The following ATAD2B variants were observed in gnomAD, a reference collection of about 807,000 sequenced individuals.
ATAD2B encodes ATPase family AAA domain-containing protein 2B.
Under a neutral mutation model 167.6 loss-of-function variants are expected in ATAD2B, and 40 were observed. The ratio of observed to expected loss-of-function variants is 0.24; its 90% CI spans 0.19 to 0.31. The LOEUF (loss-of-function observed/expected upper bound fraction) is 0.31. Ranked by LOEUF, ATAD2B falls within the 10% of genes least tolerant of loss-of-function variation. ATAD2B has a pLI of 1.00. For synonymous variants in ATAD2B, 579 were observed against 596.5 expected (o/e 0.97, Z 0.43); for missense variants, 1,242 against 1,757.2 (o/e 0.71, Z 5.24).
intron 1 of ATAD2B, among the ~76,000 whole-genome samples, chr2:23,924,172 A>T (rs2150726312): frequency 6.6e-6 from 1 of 152,158 alleles, no homozygotes; most frequent in Middle Eastern, 3.4e-3. Flanking sequence ...CTACAGCGAG[A>T]CTCCGTCTCA....
chr2:23,784,434 A>G (rs1042585344), intron 21 of ATAD2B, among the ~76,000 whole-genome samples: 2 of 152,128 alleles, frequency 1.3e-5, no homozygotes, highest in African/African-American at 4.8e-5. Flanking sequence ...AAGAAGAAAG[A>G]TAAAGGAGAA....
At chr2:23,736,995 A>T in the ATAD2B span, among the ~76,000 whole-genome samples, 1 of 152,110 alleles carries the variant, frequency 6.6e-6, no homozygotes, top group Non-Finnish European at 1.5e-5. Flanking sequence ...AGGCTGGGGG[A>T]GGGGCGCCTG....
rs1244569181 is a variant in ATAD2B, at chr2:23,885,745, C to T, written c.657G>A (p.Met219Ile). The T allele has an allele frequency of 9.4e-6, 15 of 1,591,176 alleles. No homozygotes were observed. The highest frequency in any genetic ancestry group is 1.2e-5 in the Non-Finnish European group (14 of 1,165,554). The change falls in exon 5 of 28, where the codon ATG becomes ATA. Residue 219 changes from methionine to isoleucine, a missense_variant. Physicochemically the swap from Met to Ile is conservative, Grantham distance 10 (BLOSUM62 1). Coordinates refer to ENST00000238789, the MANE Select transcript of ATAD2B (RefSeq NM_017552.4). ...TACTCACAAATTCTGTATCTGTCCA[C>T]ATTCGAAGTCGTTCTACTTCTCCTG... is the stretch of plus-strand genomic sequence containing the variant. The part of the protein sequence containing the change: ...RRSGEVERLR[M>I]WTDTEFENMD...
chr2:23,918,746 T>C (rs914891457), intron 1 of ATAD2B, among the ~76,000 whole-genome samples: 1 of 152,292 alleles, frequency 6.6e-6, no homozygotes, highest in Admixed American at 6.5e-5. Flanking sequence ...AACTACTGAT[T>C]GAACAACATC....
chr2:23,828,815 A>G (rs1301202797), intron 15 of ATAD2B, 34 bp downstream of exon 15: 4 of 1,383,650 alleles, frequency 2.9e-6, no homozygotes, highest in Non-Finnish European at 4.1e-6. Flanking sequence ...AGAACAAACA[A>G]TGACAATCAA....
chr2:23,873,731 T>C (rs1696358709), intron 8 of ATAD2B, among the ~76,000 whole-genome samples: 1 of 152,242 alleles, frequency 6.6e-6, no homozygotes, highest in African/African-American at 2.4e-5. Flanking sequence ...TACTTGCTAA[T>C]GTTTCTTCTC....
In ATAD2B at chr2:23,782,960, T is replaced by C; in HGVS notation, c.3042A>G (p.Lys1014=). The C allele has an allele frequency of 6.3e-7, 1 of 1,598,268 alleles. No individual in the cohort carries two copies. The highest frequency in any genetic ancestry group is 8.6e-7 in the Non-Finnish European group (1 of 1,166,246). ...AATCCTTTGCAGTCAGGTAATTATG[T>C]TTATCAATTTTAGTTATTACTGTTG... The part of the protein sequence containing the change: ...DLSTVITKID[K]HNYLTAKDFL... Residue 1014 remains lysine, a synonymous_variant, in exon 22 of 28, where the codon AAA becomes AAG. Coordinates refer to ENST00000238789, the MANE Select transcript of ATAD2B (RefSeq NM_017552.4).
At chr2:23,720,786 G>A in the ATAD2B span, among the ~76,000 whole-genome samples, 2 of 152,088 alleles carry the variant, frequency 1.3e-5, no homozygotes, top group Non-Finnish European at 2.9e-5. Flanking sequence ...CCAGTTTGGA[G>A]AGCTGCCTGG....
At chr2:23,727,886 T>C in the ATAD2B span, among the ~76,000 whole-genome samples, 3 of 152,164 alleles carry the variant, frequency 2.0e-5, no homozygotes, top group Non-Finnish European at 4.4e-5. Context: ...GTAAAAATAT[T>C]AGTGGCTGTC....
At chr2:23,805,261 A>G (rs1684185740) in intron 18 of ATAD2B, among the ~76,000 whole-genome samples, 2 of 152,312 alleles carry the variant, frequency 1.3e-5, no homozygotes. Flanking sequence ...TCTAAACAGT[A>G]TAGCATAAAC....
chr2:23,858,708 C>G (rs1418357675), intron 12 of ATAD2B, among the ~76,000 whole-genome samples: 3 of 151,968 alleles, frequency 2.0e-5, no homozygotes, highest in African/African-American at 7.2e-5. Context: ...GTCTCAAACT[C>G]TTGGGCTCAA....
chr2:23,921,137 C>T (rs1416386888), intron 1 of ATAD2B, among the ~76,000 whole-genome samples: 1 of 121,352 alleles, frequency 8.2e-6, no homozygotes, highest in African/African-American at 3.1e-5. Flanking sequence ...ACCTGGGAAG[C>T]GGAGGTTGCA....
intron 22 of ATAD2B, among the ~76,000 whole-genome samples, chr2:23,778,283 A>G (rs1400153510): frequency 6.6e-6 from 1 of 152,190 alleles, no homozygotes; most frequent in Non-Finnish European, 1.5e-5. Flanking sequence ...GTAAAATATT[A>G]TTATGCACCA....
At chr2:23,843,473 A>G (rs1233699091) in intron 13 of ATAD2B, among the ~76,000 whole-genome samples, 1 of 152,262 alleles carries the variant, frequency 6.6e-6, no homozygotes, top group Admixed American at 6.5e-5. Flanking sequence ...ATGTGGGAAC[A>G]ACAATCTAAT....
At chr2:23,865,447 T>C (rs1256859925) in intron 10 of ATAD2B, among the ~76,000 whole-genome samples, 1 of 151,488 alleles carries the variant, frequency 6.6e-6, no homozygotes. Flanking sequence ...GAGAATAGCT[T>C]GATCCTGGGA....
At chr2:23,712,170 A>G in the ATAD2B span, among the ~76,000 whole-genome samples, 1 of 151,904 alleles carries the variant, frequency 6.6e-6, no homozygotes, top group Non-Finnish European at 1.5e-5. Context: ...GCTCAGTGAG[A>G]CTCCAGGAGC....
chr2:23,879,009 C>T (rs1697459055), intron 7 of ATAD2B, among the ~76,000 whole-genome samples: 1 of 151,938 alleles, frequency 6.6e-6, no homozygotes, highest in Non-Finnish European at 1.5e-5. Context: ...CTGAGTATAC[C>T]AATTGTTGGC....
chr2:23,926,469 C>T (rs1051665810), intron 1 of ATAD2B, 86 bp downstream of exon 1: 4 of 1,488,200 alleles, frequency 2.7e-6, no homozygotes, highest in South Asian at 1.3e-5. Flanking sequence ...CCACTGTAGG[C>T]TTCCTACCCC....
the ATAD2B span, among the ~76,000 whole-genome samples, chr2:23,731,600 G>A: frequency 6.6e-6 from 1 of 152,156 alleles, no homozygotes; most frequent in Admixed American, 6.5e-5. Flanking sequence ...AAATCTTCTA[G>A]TAGCTGCATT....
Sources: allele counts gnomAD v4.1 joint callset (sites outside exome capture counted in the v4.1 genomes callset), GRCh38; gene constraint gnomAD v4.1.1; transcripts MANE v1.5; gene names NCBI Gene and HGNC (gene_info 2026-07-23, HGNC 2026-07-21).